The following SPIN1 variants were observed in gnomAD, a reference collection of about 807,000 sequenced individuals.
SPIN1 encodes spindlin-1.
Under a neutral mutation model 26.0 loss-of-function variants are expected in SPIN1, and 3 were observed. The ratio of observed to expected loss-of-function variants is 0.12; its 90% CI spans 0.05 to 0.30. The LOEUF is 0.30. Among genes scored for constraint, SPIN1 ranks in the 10% least tolerant of loss-of-function variants. The probability of loss-of-function intolerance (pLI) is 1.00; values close to 1 mark genes in which losing one functional copy is unlikely to be tolerated. For synonymous variants in SPIN1, 101 were observed against 116.5 expected (o/e 0.87, Z 0.86); for missense variants, 126 against 333.4 (o/e 0.38, Z 4.84).
intron 2 of SPIN1, among the ~76,000 whole-genome samples, chr9:88,440,557 G>T (rs984418710): frequency 3.3e-5 from 5 of 151,772 alleles, no homozygotes; most frequent in African/African-American, 1.2e-4. Context: ...CTCTGTCTCT[G>T]TCTCTCTCTC....
At chr9:88,398,803 A>G (rs1196833629) in intron 1 of SPIN1, among the ~76,000 whole-genome samples, 3 of 151,806 alleles carry the variant, frequency 2.0e-5, no homozygotes, top group African/African-American at 4.8e-5. Context: ...TGAACTCCCC[A>G]CCTCAGGTCA....
rs191743054 is a variant in SPIN1, at chr9:88,441,785, T to C, written c.53-7156T>C. On this transcript the variant is annotated intron_variant, in intron 2 of 5. Transcript: ENST00000375859. ...ATAAATAAATAAATAAAAGTTTTTA[T>C]ATTATATTTTTATTATATTTTTGTA... is the stretch of plus-strand genomic sequence containing the variant. 1.5e-3 allele frequency among the ~76,000 whole-genome samples: 219 copies of C among 148,542 alleles called. 1 individual carries two copies. The highest frequency in any genetic ancestry group is 2.1e-3 in the Non-Finnish European group (140 of 67,346).
At chr9:88,428,697 C>T (rs188698041) in intron 2 of SPIN1, among the ~76,000 whole-genome samples, 2 of 151,988 alleles carry the variant, frequency 1.3e-5, no homozygotes, top group African/African-American at 2.4e-5. Flanking sequence ...TTTGATCTTA[C>T]ATTTTCTTAT....
At chr9:88,454,558 C>T (rs1828431401) in intron 3 of SPIN1, among the ~76,000 whole-genome samples, 1 of 151,996 alleles carries the variant, frequency 6.6e-6, no homozygotes, top group Non-Finnish European at 1.5e-5. Context: ...CTTTTAGGAA[C>T]TTGTTCAATA....
chr9:88,402,692 C>T (rs1428421682), intron 1 of SPIN1, among the ~76,000 whole-genome samples: 1 of 152,108 alleles, frequency 6.6e-6, no homozygotes, highest in African/African-American at 2.4e-5. Flanking sequence ...GCCACGTTTT[C>T]TTTATCTCTC....
chr9:88,436,066 C>G (rs1827993007), intron 2 of SPIN1, among the ~76,000 whole-genome samples: 1 of 151,960 alleles, frequency 6.6e-6, no homozygotes, highest in Admixed American at 6.5e-5. Flanking sequence ...TCAATATTGA[C>G]AATATTACTC....
rs1827767703 is a variant in SPIN1 at position 88,426,532 on chromosome 9, A to G, written c.-8A>G. The G allele has an allele frequency of 1.2e-6, 2 of 1,613,002 alleles. No individual in the cohort carries two copies. Among genetic ancestry groups the G allele is most frequent in the Non-Finnish European group, 1.7e-6 (2 of 1,179,284 alleles). ...CAGCAGCTCCGCTGCTCACTTAAAT[A>G]CAGATGAATGAAGACCCCATTCGGA... On this transcript the variant is annotated 5_prime_UTR_variant, in exon 2 of 6. The change creates a new upstream start codon in the 5' untranslated region. Coordinates refer to ENST00000375859, the MANE Select transcript of SPIN1 (RefSeq NM_006717.3).
chr9:88,460,122 C>T (rs570286213), intron 3 of SPIN1, among the ~76,000 whole-genome samples: 10 of 152,098 alleles, frequency 6.6e-5, no homozygotes, highest in Non-Finnish European at 1.5e-4. Context: ...GTTTCAGGAA[C>T]GTTTTCTTCA....
chr9:88,448,522 T>C (rs1315735243), intron 2 of SPIN1, among the ~76,000 whole-genome samples: 12 of 130,568 alleles, frequency 9.2e-5, no homozygotes, highest in African/African-American at 9.0e-5. Flanking sequence ...TGGCTTGTTG[T>C]TTTTTTTGTA....
Position 88,467,026 on chromosome 9 carries a change from C to T in SPIN1, c.356-1346C>T, listed in dbSNP as rs566179896. On this transcript the variant is annotated intron_variant, in intron 4 of 5. Coordinates refer to ENST00000375859, the MANE Select transcript of SPIN1 (RefSeq NM_006717.3). ...TGCTAGGATTACAGGCGTGAGCCAC[C>T]GTGCTTGTCTCTAATTGTTTGTTTG... Among the ~76,000 whole-genome samples the T allele has an allele frequency of 2.6e-5, 4 of 152,162 alleles. 1 individual carries two copies. The East Asian group carries it at 7.7e-4, about 29-fold the overall frequency.
chr9:88,419,711 C>G (rs1400993726), intron 1 of SPIN1, among the ~76,000 whole-genome samples: 1 of 151,982 alleles, frequency 6.6e-6, no homozygotes, highest in Non-Finnish European at 1.5e-5. Context: ...TTCTCTTCAC[C>G]TACGTTAAAA....
At chr9:88,429,960 C>T (rs1438438874) in intron 2 of SPIN1, among the ~76,000 whole-genome samples, 2 of 152,148 alleles carry the variant, frequency 1.3e-5, no homozygotes, top group Non-Finnish European at 2.9e-5. Context: ...ATATATTTCA[C>T]AGTATTACAG....
chr9:88,389,319 C>G (rs563031142), intron 1 of SPIN1: 1 of 152,216 alleles, frequency 6.6e-6, no homozygotes, highest in African/African-American at 2.4e-5. Flanking sequence ...TGTGTTGAAA[C>G]GAATTGTGCG....
At chr9:88,418,501 A>G (rs1639124698) in intron 1 of SPIN1, among the ~76,000 whole-genome samples, 1 of 152,152 alleles carries the variant, frequency 6.6e-6, no homozygotes, top group Admixed American at 6.5e-5. Flanking sequence ...ACTCCTGTAT[A>G]CTTTTTCATT....
intron 1 of SPIN1, among the ~76,000 whole-genome samples, chr9:88,407,275 T>A (rs184009284): frequency 7.9e-5 from 12 of 152,106 alleles, no homozygotes; most frequent in Middle Eastern, 3.4e-3. Context: ...TAGCTGGGAC[T>A]ACATACAGGT....
chr9:88,468,914 G>A (rs1337879361), intron 5 of SPIN1, among the ~76,000 whole-genome samples: 2 of 152,050 alleles, frequency 1.3e-5, no homozygotes, highest in South Asian at 2.1e-4. Context: ...AGTAAAATAC[G>A]TCCCCGTGTA....
At chr9:88,448,443 C>T (rs936188572) in intron 2 of SPIN1, among the ~76,000 whole-genome samples, 1 of 151,868 alleles carries the variant, frequency 6.6e-6, no homozygotes, top group Non-Finnish European at 1.5e-5. Context: ...CCTCGACTTC[C>T]TGGGCTCAAG....
At chr9:88,455,816 A>G (rs1449406784) in intron 3 of SPIN1, among the ~76,000 whole-genome samples, 1 of 152,148 alleles carries the variant, frequency 6.6e-6, no homozygotes, top group Non-Finnish European at 1.5e-5. Flanking sequence ...TGTCTGTACA[A>G]AAAATTAAAC....
intron 1 of SPIN1, among the ~76,000 whole-genome samples, chr9:88,393,757 A>AT (rs1166800639): frequency 2.0e-5 from 3 of 151,528 alleles, no homozygotes; most frequent in Non-Finnish European, 2.9e-5. Flanking sequence ...TCCAGAGCTG[A>AT]TTTTTTTTGG....
Sources: allele counts gnomAD v4.1 joint callset (sites outside exome capture counted in the v4.1 genomes callset), GRCh38; gene constraint gnomAD v4.1.1; transcripts MANE v1.5; gene names NCBI Gene and HGNC (gene_info 2026-07-23, HGNC 2026-07-21).